Variants in CACNA2D3 observed in about 807,000 individuals in gnomAD.
CACNA2D3 encodes voltage-dependent calcium channel subunit alpha-2/delta-3.
In CACNA2D3, 60 loss-of-function variants were observed where a neutral mutation model predicts 160.6. The observed-to-expected ratio is 0.37, with a 90% CI of 0.30 to 0.46. The LOEUF (loss-of-function observed/expected upper bound fraction) is 0.46, where lower values mean the gene tolerates loss of function less well. CACNA2D3 is among the 20% of genes least tolerant of loss of function. The pLI is 1.00. For synonymous variants in CACNA2D3, 558 were observed against 492.9 expected, an observed-to-expected ratio of 1.13 and a Z score of -1.75; for missense variants, 1,205 against 1,365.0, an observed-to-expected ratio of 0.88 and a Z score of 1.85.
At chr3:55,041,355 T>G (rs561949651) in intron 35 of CACNA2D3, among the ~76,000 whole-genome samples, 22 of 152,346 alleles carry the variant, frequency 1.4e-4, no homozygotes, top group African/African-American at 2.4e-4. Context: ...TCCATGGAAG[T>G]TGTATCATTT....
chr3:54,345,268 C>T (rs762222177), intron 3 of CACNA2D3, among the ~76,000 whole-genome samples: 39 of 152,198 alleles, frequency 2.6e-4, no homozygotes, highest in South Asian at 2.1e-3. Flanking sequence ...GGGTCTGGAT[C>T]GGGACCCCTT....
chr3:54,348,114 T>G (rs898854300), intron 3 of CACNA2D3, among the ~76,000 whole-genome samples: 2 of 152,186 alleles, frequency 1.3e-5, no homozygotes, highest in Admixed American at 6.5e-5. Context: ...GCATCATAGG[T>G]TTGATCAAGA....
intron 29 of CACNA2D3, among the ~76,000 whole-genome samples, chr3:54,974,298 A>C (rs1246919474): frequency 6.6e-6 from 1 of 152,190 alleles, no homozygotes; most frequent in East Asian, 1.9e-4. Flanking sequence ...AGTACTTTAC[A>C]TGCACCCTCC....
chr3:55,056,218 T>TAATC (rs953714167), intron 35 of CACNA2D3, among the ~76,000 whole-genome samples: 1 of 152,178 alleles, frequency 6.6e-6, no homozygotes, highest in African/African-American at 2.4e-5. Flanking sequence ...TCAATATTAG[T>TAATC]AATCATCAGG....
At chr3:55,040,444 G>A (rs938016083) in intron 35 of CACNA2D3, among the ~76,000 whole-genome samples, 4 of 152,136 alleles carry the variant, frequency 2.6e-5, no homozygotes, top group African/African-American at 4.8e-5. Flanking sequence ...GAATGACTCA[G>A]TATTGTTTAA....
intron 11 of CACNA2D3, among the ~76,000 whole-genome samples, chr3:54,743,189 C>T (rs1055388022): frequency 5.3e-5 from 8 of 152,152 alleles, no homozygotes; most frequent in South Asian, 4.1e-4. Flanking sequence ...GAATTGGGCA[C>T]GGGTGCCTCC....
At chr3:55,022,295 G>C (rs1412599871) in intron 35 of CACNA2D3, among the ~76,000 whole-genome samples, 1 of 151,842 alleles carries the variant, frequency 6.6e-6, no homozygotes, top group Non-Finnish European at 1.5e-5. Flanking sequence ...GCTCTATTTT[G>C]GTAATACTTG....
At chr3:54,432,924 C>A (rs187336134) in intron 4 of CACNA2D3, among the ~76,000 whole-genome samples, 90 of 152,030 alleles carry the variant, frequency 5.9e-4, no homozygotes, top group Middle Eastern at 6.8e-3. Flanking sequence ...ATGTCATGGT[C>A]TTTTTCACCA....
chr3:54,675,210 T>C (rs1021659557), intron 11 of CACNA2D3, among the ~76,000 whole-genome samples: 1 of 152,042 alleles, frequency 6.6e-6, no homozygotes, highest in African/African-American at 2.4e-5. Flanking sequence ...CATCACTTGA[T>C]AGGAATGGAG....
At chr3:54,214,263 G>T (rs1701425087) in intron 2 of CACNA2D3, among the ~76,000 whole-genome samples, 1 of 152,148 alleles carries the variant, frequency 6.6e-6, no homozygotes, top group Non-Finnish European at 1.5e-5. Flanking sequence ...AATGGGATGT[G>T]GCCACTGACC....
chr3:54,438,793 A>G (rs1255495259), intron 4 of CACNA2D3, among the ~76,000 whole-genome samples: 2 of 152,242 alleles, frequency 1.3e-5, no homozygotes, highest in Non-Finnish European at 2.9e-5. Flanking sequence ...ATTGGTGATC[A>G]TCTTTACAAA....
chr3:54,723,916 A>G (rs934272628), intron 11 of CACNA2D3, among the ~76,000 whole-genome samples: 1 of 152,206 alleles, frequency 6.6e-6, no homozygotes, highest in Non-Finnish European at 1.5e-5. Flanking sequence ...TTCACACATA[A>G]CAATATTAAC....
intron 4 of CACNA2D3, among the ~76,000 whole-genome samples, chr3:54,442,387 C>A (rs1185201532): frequency 6.6e-6 from 1 of 152,130 alleles, no homozygotes; most frequent in East Asian, 1.9e-4. Context: ...AGCACAGATG[C>A]TGTGCTTGGA....
intron 13 of CACNA2D3, among the ~76,000 whole-genome samples, chr3:54,765,782 G>A (rs894756616): frequency 5.3e-5 from 8 of 152,166 alleles, no homozygotes; most frequent in Non-Finnish European, 1.0e-4. Flanking sequence ...TGGACAGACA[G>A]ATCAGTAGAG....
chr3:54,228,529 G>GGA (rs1701713971), intron 2 of CACNA2D3, among the ~76,000 whole-genome samples: 1 of 152,218 alleles, frequency 6.6e-6, no homozygotes, highest in Non-Finnish European at 1.5e-5. Context: ...TGAGGAGGTG[G>GGA]CCATGGTCTA....
intron 2 of CACNA2D3, among the ~76,000 whole-genome samples, chr3:54,289,916 A>T (rs1421770824): frequency 6.6e-6 from 1 of 152,150 alleles, no homozygotes; most frequent in African/African-American, 2.4e-5. Flanking sequence ...TTCAAGATGG[A>T]TTAAAGATTT....
At chr3:54,687,238 T>A (rs1700481112) in intron 11 of CACNA2D3, among the ~76,000 whole-genome samples, 1 of 150,234 alleles carries the variant, frequency 6.7e-6, no homozygotes, top group African/African-American at 2.4e-5. Flanking sequence ...CCTCCCAGGT[T>A]CAAGTGATTC....
intron 2 of CACNA2D3, among the ~76,000 whole-genome samples, chr3:54,259,640 C>A (rs1386293828): frequency 6.6e-6 from 1 of 152,180 alleles, no homozygotes; most frequent in Non-Finnish European, 1.5e-5. Context: ...CTCATACCAT[C>A]ATCTCTGGAA....
At chr3:54,346,778 C>T (rs971568727) in intron 3 of CACNA2D3, among the ~76,000 whole-genome samples, 4 of 152,052 alleles carry the variant, frequency 2.6e-5, no homozygotes, top group Admixed American at 1.3e-4. Context: ...GTCCTGTATC[C>T]GTCATTACCG....
Sources: allele counts gnomAD v4.1 joint callset (sites outside exome capture counted in the v4.1 genomes callset), GRCh38; gene constraint gnomAD v4.1.1; transcripts MANE v1.5; gene names NCBI Gene and HGNC (gene_info 2026-07-23, HGNC 2026-07-21).